The following FHIT variants were observed in gnomAD, a reference collection of about 807,000 sequenced individuals.
FHIT encodes the protein bis(5'-adenosyl)-triphosphatase.
Under a neutral mutation model 17.9 loss-of-function variants are expected in FHIT, and 19 were observed. The observed-to-expected ratio is 1.06, with a 90% CI of 0.74 to 1.56. The LOEUF is 1.56. FHIT is among the 40% of genes most tolerant of loss of function. The probability of loss-of-function intolerance (pLI) is 0.00; values close to 1 mark genes in which losing one functional copy is unlikely to be tolerated. For missense variants in FHIT, 248 were observed against 189.2 expected, an observed-to-expected ratio of 1.31 and a Z score of -1.82; for synonymous variants, 81 against 69.7, an observed-to-expected ratio of 1.16 and a Z score of -0.81.
chr3:60,761,339 T>A (rs1164962601), intron 4 of FHIT, among the ~76,000 whole-genome samples: 1 of 152,208 alleles, frequency 6.6e-6, no homozygotes, highest in Admixed American at 6.5e-5. Flanking sequence ...TATGAGCACA[T>A]GCATGTCTCA....
At chr3:60,572,856 G>A (rs2037433635) in intron 4 of FHIT, among the ~76,000 whole-genome samples, 2 of 152,160 alleles carry the variant, frequency 1.3e-5, no homozygotes, top group South Asian at 4.1e-4. Context: ...CAGTTGGTCA[G>A]CAACTCGCAG....
chr3:60,586,350 C>T (rs555074695), intron 4 of FHIT, among the ~76,000 whole-genome samples: 1 of 152,066 alleles, frequency 6.6e-6, no homozygotes, highest in East Asian at 1.9e-4. Flanking sequence ...GTGCTCTTAT[C>T]CAGCAAAGTT....
At chr3:61,006,800 TTATC>T (rs1206937073) in intron 3 of FHIT, among the ~76,000 whole-genome samples, 1 of 151,982 alleles carries the variant, frequency 6.6e-6, no homozygotes, top group Non-Finnish European at 1.5e-5. Flanking sequence ...TCTTCGGAAA[TTATC>T]TAGATACAAA....
chr3:60,055,364 AAAG>A (rs1702039273), intron 5 of FHIT, among the ~76,000 whole-genome samples: 1 of 152,208 alleles, frequency 6.6e-6, no homozygotes, highest in South Asian at 2.1e-4. Context: ...TGGATGAGAA[AAAG>A]AAATAAGCAC....
intron 5 of FHIT, among the ~76,000 whole-genome samples, chr3:60,084,591 T>C (rs1026610796): frequency 6.6e-6 from 1 of 152,204 alleles, no homozygotes; most frequent in African/African-American, 2.4e-5. Flanking sequence ...TTGGGTATTA[T>C]ATCCCATTAT....
chr3:60,336,795 TAAAG>T (rs981730491), intron 5 of FHIT, among the ~76,000 whole-genome samples: 14 of 148,962 alleles, frequency 9.4e-5, no homozygotes, highest in East Asian at 2.0e-4. Context: ...TCAGAAAACT[TAAAG>T]AGAGAAGCAA....
At chr3:60,370,656 T>G (rs183985862) in intron 5 of FHIT, among the ~76,000 whole-genome samples, 5 of 152,296 alleles carry the variant, frequency 3.3e-5, no homozygotes, top group African/African-American at 1.2e-4. Context: ...ATCTGTCTGA[T>G]GCATCACTAA....
At chr3:59,966,852 T>C (rs1433683922) in intron 7 of FHIT, among the ~76,000 whole-genome samples, 1 of 152,168 alleles carries the variant, frequency 6.6e-6, no homozygotes, top group Non-Finnish European at 1.5e-5. Flanking sequence ...ACTAAATGAA[T>C]CTTCTAAATT....
At chr3:60,237,262 A>ATTG (rs1170914228) in intron 5 of FHIT, among the ~76,000 whole-genome samples, 2 of 124,850 alleles carry the variant, frequency 1.6e-5, no homozygotes, top group African/African-American at 3.0e-5. Flanking sequence ...TTGTTTTTCC[A>ATTG]TTTTTTTTTT....
At chr3:60,883,594 C>T (rs1179199191) in intron 3 of FHIT, among the ~76,000 whole-genome samples, 5 of 151,886 alleles carry the variant, frequency 3.3e-5, no homozygotes, top group Non-Finnish European at 7.4e-5. Context: ...TGACAAAATG[C>T]CAAAAACATT....
intron 5 of FHIT, among the ~76,000 whole-genome samples, chr3:60,026,952 A>C (rs1700763666): frequency 6.6e-6 from 1 of 152,042 alleles, no homozygotes; most frequent in Admixed American, 6.6e-5. Context: ...TACAAAAATC[A>C]GCTAGGCATG....
intron 5 of FHIT, among the ~76,000 whole-genome samples, chr3:60,270,937 C>T (rs933183003): frequency 5.3e-5 from 8 of 152,152 alleles, no homozygotes; most frequent in African/African-American, 1.9e-4. Flanking sequence ...TAAAAGACAA[C>T]TTTCAAAGGT....
chr3:60,282,022 G>A (rs953142638), intron 5 of FHIT, among the ~76,000 whole-genome samples: 7 of 152,122 alleles, frequency 4.6e-5, no homozygotes, highest in Non-Finnish European at 7.4e-5. Context: ...TGGCAAGAAA[G>A]TGGAGTGATG....
intron 3 of FHIT, among the ~76,000 whole-genome samples, chr3:60,980,546 C>T (rs761549625): frequency 2.0e-4 from 31 of 152,322 alleles, no homozygotes; most frequent in Non-Finnish European, 4.0e-4. Flanking sequence ...AAAATCTCCT[C>T]TCTGCCTACT....
intron 3 of FHIT, among the ~76,000 whole-genome samples, chr3:60,859,422 G>T (rs551001603): frequency 1.3e-5 from 2 of 152,072 alleles, no homozygotes; most frequent in African/African-American, 2.4e-5. Context: ...TGCACAGGTA[G>T]ACCGCATTTC....
chr3:60,324,242 T>C (rs1348016175), intron 5 of FHIT, among the ~76,000 whole-genome samples: 1 of 152,078 alleles, frequency 6.6e-6, no homozygotes, highest in African/African-American at 2.4e-5. Flanking sequence ...CCTGGTCCTA[T>C]AACCCCAGAG....
chr3:61,125,316 A>G (rs577970742), intron 2 of FHIT, among the ~76,000 whole-genome samples: 1 of 152,338 alleles, frequency 6.6e-6, no homozygotes, highest in East Asian at 1.9e-4. Context: ...AGCTAAAACT[A>G]CCTTATGTTA....
intron 3 of FHIT, among the ~76,000 whole-genome samples, chr3:60,926,326 T>G (rs529062784): frequency 6.6e-6 from 1 of 152,160 alleles, no homozygotes; most frequent in Non-Finnish European, 1.5e-5. Flanking sequence ...CCTCAGCAAA[T>G]GTAAAATAAC....
At chr3:60,556,198 C>A (rs746424571) in intron 4 of FHIT, among the ~76,000 whole-genome samples, 4 of 152,148 alleles carry the variant, frequency 2.6e-5, no homozygotes, top group Non-Finnish European at 4.4e-5. Flanking sequence ...TTCCTTGACA[C>A]TCCCGCAGTA....
Sources: allele counts gnomAD v4.1 joint callset (sites outside exome capture counted in the v4.1 genomes callset), GRCh38; gene constraint gnomAD v4.1.1; transcripts MANE v1.5; gene names NCBI Gene and HGNC (gene_info 2026-07-23, HGNC 2026-07-21).